VSNL1: variants seen among roughly 807,000 people sequenced by gnomAD.
VSNL1 encodes the protein visinin-like protein 1.
In VSNL1, 6 loss-of-function variants were observed where a neutral mutation model predicts 20.4. The ratio of observed to expected loss-of-function variants is 0.29; its 90% CI spans 0.16 to 0.58. The LOEUF (loss-of-function observed/expected upper bound fraction) is 0.58, where lower values mean the gene tolerates loss of function less well. Ranked by LOEUF, VSNL1 falls within the 20% of genes least tolerant of loss-of-function variation. The pLI, the probability that VSNL1 is intolerant of heterozygous loss-of-function variation, is 0.90. For synonymous variants in VSNL1, 93 were observed against 86.4 expected (o/e 1.08, Z -0.42); for missense variants, 100 against 234.5 (o/e 0.43, Z 3.75).
intron 1 of VSNL1, among the ~76,000 whole-genome samples, chr2:17,575,526 T>G (rs1257865623): frequency 6.6e-6 from 1 of 151,518 alleles, no homozygotes; most frequent in Non-Finnish European, 1.5e-5. Flanking sequence ...CACAAATATC[T>G]TTTTTTTTAT....
chr2:17,613,880 A>C (rs1235909717), intron 2 of VSNL1, among the ~76,000 whole-genome samples: 1 of 152,246 alleles, frequency 6.6e-6, no homozygotes, highest in Non-Finnish European at 1.5e-5. Context: ...GAAAGCAATC[A>C]GACAGATCTT....
chr2:17,547,772 G>A (rs750967026), intron 1 of VSNL1, among the ~76,000 whole-genome samples: 2 of 151,786 alleles, frequency 1.3e-5, no homozygotes, highest in Admixed American at 1.3e-4. Flanking sequence ...GCATATAATT[G>A]AGTCCAGAAT....
intron 1 of VSNL1, among the ~76,000 whole-genome samples, chr2:17,583,788 C>G (rs1490760853): frequency 6.6e-6 from 1 of 152,194 alleles, no homozygotes; most frequent in Non-Finnish European, 1.5e-5. Context: ...CAGCAAAATT[C>G]CCTATGTTTC....
At chr2:17,542,859 GTATCT>G (rs974833187) in intron 1 of VSNL1, among the ~76,000 whole-genome samples, 1 of 152,172 alleles carries the variant, frequency 6.6e-6, no homozygotes, top group African/African-American at 2.4e-5. Context: ...ACCCTGTAAG[GTATCT>G]AGTCCAAACC....
At chr2:17,621,470 A>G (rs1665357385) in intron 2 of VSNL1, among the ~76,000 whole-genome samples, 1 of 151,868 alleles carries the variant, frequency 6.6e-6, no homozygotes, top group South Asian at 2.1e-4. Flanking sequence ...CTACAGGCGC[A>G]CAACACCACA....
chr2:17,554,797 A>C lies in VSNL1; in HGVS notation c.-6+13879A>C, dbSNP rs1364366375. Among the ~76,000 whole-genome samples, 5 of 152,184 alleles carry C rather than the reference A, an allele frequency of 3.3e-5. No individual in the cohort carries two copies. In the South Asian group the frequency reaches 6.2e-4, roughly 19 times the overall value. On this transcript the variant is annotated intron_variant, in intron 1 of 3. Coordinates refer to ENST00000295156, the MANE Select transcript of VSNL1 (RefSeq NM_003385.5). ...AAAGAATAAAAATCACCTGCAATCT[A>C]TTACTAAGTTATATTTTCCTCCATT...
At position 17,566,937 on chromosome 2, in the gene VSNL1, A is replaced by G. The variant is rs368529752; in HGVS notation, c.-5-25133A>G. On this transcript the variant is annotated intron_variant, in intron 1 of 3. Coordinates refer to ENST00000295156, the MANE Select transcript of VSNL1 (RefSeq NM_003385.5). The stretch of plus-strand genomic sequence containing the variant: ...ATCACATGTAAAGTCCCAAATGTTT[A>G]GCTCTCTGTTCTATTGCCATTTTGT... Among the ~76,000 whole-genome samples, 25 of 152,306 alleles carry G rather than the reference A, an allele frequency of 1.6e-4. No individual in the cohort carries two copies. In the South Asian group the frequency reaches 4.8e-3, roughly 29 times the overall value.
rs144969013 is a variant in VSNL1, at chr2:17,650,236, G to A, written c.378+611G>A. 7.7e-3 allele frequency among the ~76,000 whole-genome samples: 1,174 copies of A among 152,190 alleles called. 8 individuals are homozygous for A. Among genetic ancestry groups the A allele is most frequent in the Middle Eastern group, 0.024 (7 of 294 alleles). ...CTCCCTCACTTTGCTCCCATCTCTG[G>A]TCTTATCCCATCTCCCAGAGAGGTC... On this transcript the variant is annotated intron_variant, in intron 3 of 3. Coordinates refer to ENST00000295156, the MANE Select transcript of VSNL1 (RefSeq NM_003385.5).
At chr2:17,620,778 T>C (rs528370752) in intron 2 of VSNL1, among the ~76,000 whole-genome samples, 1 of 152,060 alleles carries the variant, frequency 6.6e-6, no homozygotes, top group Non-Finnish European at 1.5e-5. Flanking sequence ...CAAAAAAAAA[T>C]TGCAAAGATC....
intron 2 of VSNL1, among the ~76,000 whole-genome samples, chr2:17,615,547 G>A (rs1382566270): frequency 1.3e-5 from 2 of 152,226 alleles, no homozygotes; most frequent in Admixed American, 6.5e-5. Context: ...CACTGGGCCT[G>A]TCTCAGATAT....
intron 1 of VSNL1, among the ~76,000 whole-genome samples, chr2:17,586,528 A>G (rs1315296728): frequency 6.6e-6 from 1 of 152,180 alleles, no homozygotes; most frequent in East Asian, 1.9e-4. Flanking sequence ...TACTATGAGT[A>G]TTCATTTCAT....
At chr2:17,631,721 G>A (rs1391990996) in intron 2 of VSNL1, among the ~76,000 whole-genome samples, 1 of 152,102 alleles carries the variant, frequency 6.6e-6, no homozygotes, top group Non-Finnish European at 1.5e-5. Context: ...ACTAAAAAGG[G>A]GGTCATATAT....
rs180938907 is a variant in VSNL1 at position 17,549,983 on chromosome 2, T to C, written c.-6+9065T>C. ...CACACCTGTGCTTTAGGCATCATAGTGTGTAGCTGTGGAAGACTTACTTCT... is the reference window on the plus strand; with the variant it reads ...CACACCTGTGCTTTAGGCATCATAGCGTGTAGCTGTGGAAGACTTACTTCT... On this transcript the variant is annotated intron_variant, in intron 1 of 3. Transcript: ENST00000295156. Among the ~76,000 whole-genome samples, 3 of 152,332 alleles carry C rather than the reference T, an allele frequency of 2.0e-5. No homozygotes were observed. In the East Asian group the frequency reaches 5.8e-4, roughly 29 times the overall value.
At chr2:17,617,880 CAT>C (rs1213185822) in intron 2 of VSNL1, among the ~76,000 whole-genome samples, 4 of 135,848 alleles carry the variant, frequency 2.9e-5, no homozygotes, top group African/African-American at 1.1e-4. Context: ...TGCACATGCA[CAT>C]GCACGCGCAC....
At chr2:17,632,759 A>C (rs1049319905) in intron 2 of VSNL1, among the ~76,000 whole-genome samples, 2 of 152,282 alleles carry the variant, frequency 1.3e-5, no homozygotes, top group Non-Finnish European at 2.9e-5. Flanking sequence ...TAGACACAGC[A>C]TATTTCCTTC....
chr2:17,599,927 C>T (rs1664788941), intron 2 of VSNL1, among the ~76,000 whole-genome samples: 1 of 152,148 alleles, frequency 6.6e-6, no homozygotes, highest in African/African-American at 2.4e-5. Context: ...GAGCAGAATG[C>T]ACATCATGTT....
At chr2:17,615,054 C>T (rs768138896) in intron 2 of VSNL1, among the ~76,000 whole-genome samples, 27 of 152,324 alleles carry the variant, frequency 1.8e-4, no homozygotes, top group Middle Eastern at 6.8e-3. Context: ...CCTTTCTTAA[C>T]TACAGCTCCC....
intron 2 of VSNL1, among the ~76,000 whole-genome samples, chr2:17,626,328 G>C (rs1665508182): frequency 6.6e-6 from 1 of 152,140 alleles, no homozygotes; most frequent in African/African-American, 2.4e-5. Context: ...GTACCCCTTG[G>C]GGCCTGAGCC....
chr2:17,566,818 C>G (rs1462578757), intron 1 of VSNL1, among the ~76,000 whole-genome samples: 1 of 152,222 alleles, frequency 6.6e-6, no homozygotes, highest in African/African-American at 2.4e-5. Context: ...AGGTTGAAAT[C>G]TAATTTTATT....
Sources: allele counts gnomAD v4.1 joint callset (sites outside exome capture counted in the v4.1 genomes callset), GRCh38; gene constraint gnomAD v4.1.1; transcripts MANE v1.5; gene names NCBI Gene and HGNC (gene_info 2026-07-23, HGNC 2026-07-21).